Variants in OPCML observed in about 807,000 individuals in gnomAD.
The protein encoded by OPCML is opioid-binding protein/cell adhesion molecule.
In OPCML, 13 loss-of-function variants were observed where a neutral mutation model predicts 37.8. The observed-to-expected ratio is 0.34, with a 90% CI of 0.22 to 0.55. OPCML has a LOEUF of 0.55. Ranked by LOEUF, OPCML falls within the 20% of genes least tolerant of loss-of-function variation. OPCML has a pLI of 0.91. For missense variants in OPCML, 341 were observed against 435.6 expected (o/e 0.78, Z 1.93); for synonymous variants, 176 against 168.8 (o/e 1.04, Z -0.33).
chr11:133,404,150 C>T (rs972631696), intron 1 of OPCML, among the ~76,000 whole-genome samples: 1 of 152,166 alleles, frequency 6.6e-6, no homozygotes, highest in Non-Finnish European at 1.5e-5. Context: ...CACACGACGC[C>T]CTCCCTGTAT....
intron 1 of OPCML, among the ~76,000 whole-genome samples, chr11:133,245,847 C>A (rs1379604418): frequency 1.3e-5 from 2 of 152,128 alleles, no homozygotes; most frequent in Admixed American, 6.5e-5. Context: ...AACCATCTTT[C>A]TCAGCAAACT....
At chr11:133,340,666 C>T (rs114392225) in intron 1 of OPCML, among the ~76,000 whole-genome samples, 1,808 of 149,468 alleles carry the variant, frequency 0.012, 37 homozygotes, top group African/African-American at 0.04. Flanking sequence ...TTTTACATTT[C>T]CCTCTACCTC....
intron 1 of OPCML, among the ~76,000 whole-genome samples, chr11:133,075,011 C>A (rs980486243): frequency 1.3e-5 from 2 of 152,132 alleles, no homozygotes; most frequent in African/African-American, 4.8e-5. Flanking sequence ...TACTGGGGGA[C>A]AGGAGGGCAG....
intron 2 of OPCML, among the ~76,000 whole-genome samples, chr11:132,858,856 G>T (rs1436619316): frequency 6.6e-6 from 1 of 152,132 alleles, no homozygotes; most frequent in African/African-American, 2.4e-5. Context: ...CTAACATAAA[G>T]GTAGCCGACT....
At chr11:132,808,363 C>A (rs1483957117) in intron 2 of OPCML, among the ~76,000 whole-genome samples, 1 of 152,166 alleles carries the variant, frequency 6.6e-6, no homozygotes, top group Non-Finnish European at 1.5e-5. Flanking sequence ...AAATTCCTGG[C>A]AGTGGGAACA....
At chr11:132,999,577 G>GGGGGGA (rs372561939) in intron 1 of OPCML, among the ~76,000 whole-genome samples, 35 of 146,600 alleles carry the variant, frequency 2.4e-4, no homozygotes, top group African/African-American at 8.9e-4. Flanking sequence ...GTCGGGGGGG[G>GGGGGGA]AATGCCACCG....
At position 133,389,326 on chromosome 11, in the gene OPCML, C is replaced by A. The variant is rs566776108; in HGVS notation, c.61+142938G>T. Among the ~76,000 whole-genome samples the A allele has an allele frequency of 5.4e-4, 83 of 152,320 alleles. No individual in the cohort carries two copies. The South Asian group carries it at 0.017, about 31-fold the overall frequency. On this transcript the variant is annotated intron_variant, in intron 1 of 7. Coordinates refer to ENST00000524381, the MANE Select transcript of OPCML (RefSeq NM_001012393.5). ...ATTGTTGAAACCTTCTCAAGGCTGA[C>A]AAGTTTGCAGAGAAACAGGAGGGAG...
chr11:132,844,979 T>C (rs1941460067), intron 2 of OPCML, among the ~76,000 whole-genome samples: 1 of 152,070 alleles, frequency 6.6e-6, no homozygotes. Context: ...TTTTTTTGTT[T>C]TTGTTTTTGT....
chr11:133,473,837 C>A (rs118091643), intron 1 of OPCML, among the ~76,000 whole-genome samples: 250 of 152,178 alleles, frequency 1.6e-3, no homozygotes, highest in Middle Eastern at 3.4e-3. Context: ...TACTAATAAC[C>A]GGAAAAAGAA....
chr11:132,646,671 G>GA (rs1487480659), intron 3 of OPCML, among the ~76,000 whole-genome samples: 1 of 152,132 alleles, frequency 6.6e-6, no homozygotes, highest in Non-Finnish European at 1.5e-5. Context: ...AAGCAAAAGA[G>GA]AAAAAGAGTC....
At chr11:132,537,645 C>G (rs1406528561) in intron 3 of OPCML, among the ~76,000 whole-genome samples, 2 of 152,084 alleles carry the variant, frequency 1.3e-5, no homozygotes, top group East Asian at 3.9e-4. Flanking sequence ...AAAAGAAAAT[C>G]CACAAAATAA....
intron 1 of OPCML, among the ~76,000 whole-genome samples, chr11:133,376,331 C>T (rs1255976067): frequency 6.6e-6 from 1 of 151,934 alleles, no homozygotes; most frequent in Non-Finnish European, 1.5e-5. Flanking sequence ...AACATGATAG[C>T]AACAAATTCT....
chr11:132,760,295 C>G (rs1946213100), intron 2 of OPCML, among the ~76,000 whole-genome samples: 1 of 152,100 alleles, frequency 6.6e-6, no homozygotes, highest in African/African-American at 2.4e-5. Flanking sequence ...GTGGAGAGTT[C>G]TATAGATGTC....
At chr11:133,363,433 A>G (rs1315328518) in intron 1 of OPCML, among the ~76,000 whole-genome samples, 2 of 152,172 alleles carry the variant, frequency 1.3e-5, no homozygotes, top group African/African-American at 4.8e-5. Context: ...AATTCTCCTT[A>G]TGTGAGAAAA....
chr11:132,527,742 C>T (rs924948148), intron 4 of OPCML, among the ~76,000 whole-genome samples: 3 of 152,164 alleles, frequency 2.0e-5, no homozygotes, highest in African/African-American at 7.2e-5. Context: ...CCTTGAATTC[C>T]TAACCCCTGA....
chr11:132,529,101 T>A lies in OPCML; in HGVS notation c.465A>T (p.Arg155Ser), dbSNP rs1271629262. ...GTCTCCATGTCACAGTTGGCTCTGG[T>A]CTGCCAATAGCAAGACACAGCAGGG... ...SVTLLCLAIG[R>S]PEPTVTWRHL... is the part of the protein sequence containing the mutation. Residue 155 changes from arginine (R) to serine (S), a missense_variant, in exon 4 of 8, where the codon AGA becomes AGT. Transcript: ENST00000524381. 1.2e-6 allele frequency: 2 copies of A among 1,613,484 alleles called. No individual in the cohort carries two copies. The highest frequency in any genetic ancestry group is 1.7e-6 in the Non-Finnish European group (2 of 1,179,612).
At chr11:133,321,783 G>A (rs913002290) in intron 1 of OPCML, among the ~76,000 whole-genome samples, 10 of 152,094 alleles carry the variant, frequency 6.6e-5, no homozygotes, top group Non-Finnish European at 1.5e-4. Flanking sequence ...CCGGTTATTA[G>A]AAACTCGAGT....
chr11:132,711,923 C>A (rs915751717), intron 2 of OPCML, among the ~76,000 whole-genome samples: 5 of 152,146 alleles, frequency 3.3e-5, no homozygotes, highest in Admixed American at 6.5e-5. Context: ...ACTTAAGGAG[C>A]AAATATTCAA....
intron 1 of OPCML, among the ~76,000 whole-genome samples, chr11:133,393,840 G>T (rs1442208350): frequency 6.6e-6 from 1 of 152,232 alleles, no homozygotes; most frequent in South Asian, 2.1e-4. Flanking sequence ...AATGACTACA[G>T]CTTTGGCAAG....
Sources: gnomAD v4.1 joint callset for allele counts (sites outside exome capture counted in the v4.1 genomes callset) on GRCh38, gnomAD v4.1.1 for gene constraint, MANE v1.5 for transcripts, NCBI Gene and HGNC (gene_info 2026-07-23, HGNC 2026-07-21) for gene names.